The following CDC14B variants were observed in gnomAD, a reference collection of about 807,000 sequenced individuals.
CDC14B encodes dual specificity protein phosphatase CDC14B.
CDC14B carries 22 observed loss-of-function variants against 64.2 expected under a neutral mutation model. That is an observed-to-expected ratio of 0.34 (90% CI 0.24 to 0.49). The LOEUF (loss-of-function observed/expected upper bound fraction) is 0.49. Among genes scored for constraint, CDC14B ranks in the 20% least tolerant of loss-of-function variants. The pLI is 0.99. For synonymous variants in CDC14B, 191 were observed against 215.8 expected (o/e 0.89, Z 1.01); for missense variants, 498 against 629.9 (o/e 0.79, Z 2.24).
chr9:96,614,381 C>T (rs866646027), intron 1 of CDC14B, among the ~76,000 whole-genome samples: 1 of 151,956 alleles, frequency 6.6e-6, no homozygotes, highest in African/African-American at 2.4e-5. Flanking sequence ...AGGGGTTTTG[C>T]CATATTGGCC....
At chr9:96,603,873 T>C (rs1280181892) in intron 1 of CDC14B, among the ~76,000 whole-genome samples, 2 of 152,226 alleles carry the variant, frequency 1.3e-5, no homozygotes, top group Non-Finnish European at 2.9e-5. Context: ...GATCTCCCTA[T>C]TGCCTAGCTT....
intron 1 of CDC14B, among the ~76,000 whole-genome samples, chr9:96,593,091 T>C (rs1845877100): frequency 6.6e-6 from 1 of 152,218 alleles, no homozygotes; most frequent in Admixed American, 6.5e-5. Flanking sequence ...ACCCCATTTG[T>C]AGTTCCTAAA....
At position 96,541,837 on chromosome 9, in the gene CDC14B, C is replaced by A. The variant is rs765450693; in HGVS notation, c.553G>T (p.Ala185Ser). 2 of 1,604,916 alleles carry A rather than the reference C, an allele frequency of 1.2e-6. No homozygotes were observed. Among genetic ancestry groups the A allele is most frequent in the South Asian group, 2.2e-5 (2 of 89,666 alleles). Residue 185 changes from alanine to serine, a missense_variant, in exon 6 of 14, where the codon GCA becomes TCA. Transcript: ENST00000375241. ...TACATGTCACTCACCTTCTTTACTG[C>A]ATGAAAACAGTCAAGAAGTGTAATG... ...FYITLLDCFH[A>S]VKKAMQYGFL...
At chr9:96,614,852 G>GT (rs1436839191) in intron 1 of CDC14B, among the ~76,000 whole-genome samples, 1 of 151,712 alleles carries the variant, frequency 6.6e-6, no homozygotes, top group Non-Finnish European at 1.5e-5. Flanking sequence ...GTTTTGTTTT[G>GT]TTTTTTGAGG....
intron 1 of CDC14B, among the ~76,000 whole-genome samples, chr9:96,615,428 C>T (rs914815047): frequency 6.6e-6 from 1 of 152,100 alleles, no homozygotes; most frequent in Non-Finnish European, 1.5e-5. Flanking sequence ...TACACACACA[C>T]GAAGTATCCT....
At chr9:96,570,380 T>C (rs1844399191) in intron 1 of CDC14B, among the ~76,000 whole-genome samples, 1 of 152,164 alleles carries the variant, frequency 6.6e-6, no homozygotes, top group African/African-American at 2.4e-5. Flanking sequence ...ACTTTGTATT[T>C]CCCCCTTGAA....
intron 1 of CDC14B, among the ~76,000 whole-genome samples, chr9:96,609,802 T>C (rs1847192492): frequency 3.3e-5 from 5 of 152,222 alleles, no homozygotes; most frequent in Non-Finnish European, 7.3e-5. Context: ...CAAGATGTTT[T>C]TATTTTGTAA....
At chr9:96,557,819 T>C (rs1367161958) in intron 4 of CDC14B, among the ~76,000 whole-genome samples, 2 of 152,188 alleles carry the variant, frequency 1.3e-5, no homozygotes, top group Non-Finnish European at 2.9e-5. Flanking sequence ...ACCAAAGTAA[T>C]CTATTAAACA....
intron 4 of CDC14B, among the ~76,000 whole-genome samples, chr9:96,561,234 T>C (rs1261669134): frequency 6.6e-6 from 1 of 152,148 alleles, no homozygotes. Flanking sequence ...TGAGCATAAA[T>C]AGGAAAACAA....
At chr9:96,496,305 G>A (rs757793334), downstream of CDC14B, 12 of 515,254 alleles carry the variant, frequency 2.3e-5, no homozygotes, top group East Asian at 5.5e-5. Context: ...TGTGGATCCC[G>A]AGCCAGATCA....
chr9:96,551,129 T>C (rs1368886640), intron 5 of CDC14B, among the ~76,000 whole-genome samples: 3 of 126,458 alleles, frequency 2.4e-5, no homozygotes, highest in Non-Finnish European at 3.4e-5. Flanking sequence ...TTTTTTTTTT[T>C]TGAGACAAGT....
intron 1 of CDC14B, among the ~76,000 whole-genome samples, chr9:96,579,787 C>T (rs769852967): frequency 3.9e-5 from 6 of 152,114 alleles, no homozygotes; most frequent in African/African-American, 1.2e-4. Flanking sequence ...GTCTACACCA[C>T]GCAGACTATG....
At chr9:96,564,892 A>G (rs1017985136) in intron 2 of CDC14B, 40 bp from the exon 3 acceptor site, 3 of 1,326,194 alleles carry the variant, frequency 2.3e-6, no homozygotes, top group East Asian at 4.8e-5. Flanking sequence ...TACATTCTAG[A>G]TGCTCTGAAT....
At chr9:96,505,374 T>C (rs1017695064) in intron 13 of CDC14B, among the ~76,000 whole-genome samples, 26 of 152,190 alleles carry the variant, frequency 1.7e-4, no homozygotes, top group African/African-American at 6.0e-4. Flanking sequence ...GCCAGTTTCT[T>C]AGAAAATGAA....
At chr9:96,580,876 T>C (rs141043795) in intron 1 of CDC14B, among the ~76,000 whole-genome samples, 203 of 152,306 alleles carry the variant, frequency 1.3e-3, no homozygotes, top group Non-Finnish European at 2.4e-3. Context: ...TTGCATGATA[T>C]ATGTAAACAG....
chr9:96,607,545 T>A (rs971255608), intron 1 of CDC14B, among the ~76,000 whole-genome samples: 11 of 151,380 alleles, frequency 7.3e-5, no homozygotes, highest in Admixed American at 2.0e-4. Flanking sequence ...CTCAGCCGCC[T>A]GAGTAGCTGG....
At chr9:96,528,635 C>A (rs1009703424) in intron 9 of CDC14B, among the ~76,000 whole-genome samples, 3 of 152,250 alleles carry the variant, frequency 2.0e-5, no homozygotes. Flanking sequence ...AGAGATGGAA[C>A]TGCTGAATGA....
chr9:96,506,494 C>T (rs769518033), intron 13 of CDC14B, among the ~76,000 whole-genome samples: 4 of 152,142 alleles, frequency 2.6e-5, no homozygotes, highest in Non-Finnish European at 4.4e-5. Flanking sequence ...CCAAAAGAGG[C>T]ACAAAGAAAG....
At chr9:96,612,363 G>A (rs982697002) in intron 1 of CDC14B, among the ~76,000 whole-genome samples, 10 of 152,162 alleles carry the variant, frequency 6.6e-5, no homozygotes, top group South Asian at 2.1e-4. Context: ...CTTTGTCCTC[G>A]CAGCTGCTGT....
Sources: gnomAD v4.1 joint callset for allele counts (sites outside exome capture counted in the v4.1 genomes callset) on GRCh38, gnomAD v4.1.1 for gene constraint, MANE v1.5 for transcripts, NCBI Gene and HGNC (gene_info 2026-07-23, HGNC 2026-07-21) for gene names.